The following SMPX variants were observed in gnomAD, a reference collection of about 807,000 sequenced individuals.
The protein encoded by SMPX is small muscle protein X-linked.
A neutral mutation model predicts 6.3 loss-of-function variants in SMPX; 2 were observed. The observed-to-expected ratio is 0.32, with a 90% CI of 0.13 to 0.99. The LOEUF (loss-of-function observed/expected upper bound fraction) is 0.99, where lower values mean the gene tolerates loss of function less well. Among genes scored for constraint, SMPX ranks in the 50% least tolerant of loss-of-function variants. The probability of loss-of-function intolerance (pLI) is 0.49; values close to 1 mark genes in which losing one functional copy is unlikely to be tolerated. For synonymous variants in SMPX, 32 were observed against 24.7 expected (o/e 1.30, Z -0.88); for missense variants, 60 against 66.8 (o/e 0.90, Z 0.36).
intron 4 of SMPX, among the ~76,000 whole-genome samples, chrX:21,718,446 G>A (rs1481912205): frequency 2.7e-5 from 3 of 111,946 alleles, no homozygotes; most frequent in East Asian, 2.8e-4. Flanking sequence ...AACTTCCATC[G>A]AGGGCTGAGG....
intron 4 of SMPX, among the ~76,000 whole-genome samples, chrX:21,719,274 C>T (rs1018117425): frequency 8.9e-6 from 1 of 111,777 alleles, no homozygotes; most frequent in African/African-American, 3.3e-5. Context: ...AATCCCAGCA[C>T]TTTGGGATCC....
At position 21,737,538 on chromosome X, in the gene SMPX, T is replaced by C; in HGVS notation, c.*14+11A>G. On this transcript the variant is annotated intron_variant, in intron 4 of 4. Coordinates refer to ENST00000379494, the MANE Select transcript of SMPX (RefSeq NM_014332.3). Reference sequence around the variant, plus strand: ...GACTTTTTGAGACAAAGAAGATAGTTTTTCACTCACCTTTTTTCTTCCTAC... The same window carrying C: ...GACTTTTTGAGACAAAGAAGATAGTCTTTCACTCACCTTTTTTCTTCCTAC... 1 of 1,200,334 alleles carries C rather than the reference T, an allele frequency of 8.3e-7. No individual in the cohort carries two copies. Among genetic ancestry groups the C allele is most frequent in the Middle Eastern group, 2.8e-4 (1 of 3,634 alleles).
intron 4 of SMPX, among the ~76,000 whole-genome samples, chrX:21,726,122 C>T (rs1480723854): frequency 9.0e-6 from 1 of 111,684 alleles, no homozygotes; most frequent in Non-Finnish European, 1.9e-5. Context: ...AGGAAGTTGC[C>T]CAAGGTCACT....
chrX:21,722,064 G>A (rs2092792288), intron 4 of SMPX, among the ~76,000 whole-genome samples: 1 of 110,866 alleles, frequency 9.0e-6, no homozygotes, highest in Non-Finnish European at 1.9e-5. Flanking sequence ...GGGAGGCTGA[G>A]GTGGGAGGAT....
At chrX:21,714,759 T>G (rs898908087) in intron 4 of SMPX, among the ~76,000 whole-genome samples, 1 of 112,817 alleles carries the variant, frequency 8.9e-6, no homozygotes, top group Non-Finnish European at 1.9e-5. Flanking sequence ...TCCTTTGATT[T>G]CTACTGAAGC....
chrX:21,729,006 C>T (rs769686566), intron 4 of SMPX, among the ~76,000 whole-genome samples: 1 of 112,100 alleles, frequency 8.9e-6, no homozygotes, highest in Non-Finnish European at 1.9e-5. Context: ...CTTTAGAAGA[C>T]TTGATGAGCT....
At chrX:21,711,271 GC>G (rs2092778418) in intron 4 of SMPX, among the ~76,000 whole-genome samples, 1 of 111,525 alleles carries the variant, frequency 9.0e-6, no homozygotes, top group African/African-American at 3.3e-5. Context: ...AGCTAAAATT[GC>G]CCACTCTGTA....
In SMPX at chrX:21,746,012, T is replaced by C. The variant is rs1419514107; in HGVS notation, c.46-2176A>G. Among the ~76,000 whole-genome samples the C allele has an allele frequency of 2.7e-5, 3 of 111,595 alleles. No homozygotes were observed. In the East Asian group the frequency reaches 8.4e-4, roughly 31 times the overall value. ...CCATGTTTCACGGGTGGCTTAACAA[T>C]AGTGAAAAGAGCCTAATGCTAGCAG... On this transcript the variant is annotated intron_variant, in intron 2 of 4. Transcript: ENST00000379494.
chrX:21,748,612 T>C (rs2092824033), intron 2 of SMPX, among the ~76,000 whole-genome samples: 1 of 111,891 alleles, frequency 8.9e-6, no homozygotes, highest in African/African-American at 3.3e-5. Context: ...GAGGTAATAC[T>C]GAACCCACTT....
chrX:21,718,402 G>T (rs976766041), intron 4 of SMPX, among the ~76,000 whole-genome samples: 1 of 112,193 alleles, frequency 8.9e-6, no homozygotes, highest in Non-Finnish European at 1.9e-5. Flanking sequence ...AGGCCCAGGG[G>T]CTCCTCACTG....
chrX:21,726,963 C>T (rs748967891), intron 4 of SMPX, among the ~76,000 whole-genome samples: 1 of 112,319 alleles, frequency 8.9e-6, no homozygotes, highest in East Asian at 2.8e-4. Context: ...TATTCAAAGG[C>T]CGTGCCTTCT....
intron 4 of SMPX, among the ~76,000 whole-genome samples, chrX:21,715,262 CTGTGTGTGTGTGTGTGTGTGTGTG>C (rs34947234): frequency 2.1e-5 from 2 of 94,605 alleles, no homozygotes; most frequent in African/African-American, 4.0e-5. Flanking sequence ...TCACTCTGCT[CTGTGTGTGTGTGTGTGTGTGTGTG>C]TGTGTGTGTG....
intron 2 of SMPX, among the ~76,000 whole-genome samples, chrX:21,750,489 C>T (rs1470375798): frequency 8.9e-6 from 1 of 112,021 alleles, no homozygotes; most frequent in East Asian, 2.8e-4. Flanking sequence ...GGGAACAGAC[C>T]AAACGACACG....
At chrX:21,706,432 C>A in intron 4 of SMPX, 38 bp from the exon 5 acceptor site, 1 of 330,576 alleles carries the variant, frequency 3.0e-6, no homozygotes, top group Non-Finnish European at 5.4e-6. Flanking sequence ...GAGTTTTTTG[C>A]CTCCAGTGTC....
At chrX:21,735,647 C>G (rs2092809692) in intron 4 of SMPX, among the ~76,000 whole-genome samples, 1 of 112,113 alleles carries the variant, frequency 8.9e-6, no homozygotes, top group Non-Finnish European at 1.9e-5. Flanking sequence ...TCTTCAAAAC[C>G]AAATTCTTCT....
intron 4 of SMPX, among the ~76,000 whole-genome samples, chrX:21,710,134 C>A (rs1317629808): frequency 8.9e-6 from 1 of 111,768 alleles, no homozygotes; most frequent in African/African-American, 3.3e-5. Context: ...TTATAGGCCT[C>A]TCTGACTTTG....
chrX:21,718,445 C>T (rs1423157032), intron 4 of SMPX, among the ~76,000 whole-genome samples: 2 of 111,953 alleles, frequency 1.8e-5, no homozygotes, highest in African/African-American at 6.5e-5. Context: ...AAACTTCCAT[C>T]GAGGGCTGAG....
chrX:21,721,088 G>T (rs770055680), intron 4 of SMPX, among the ~76,000 whole-genome samples: 1 of 111,737 alleles, frequency 8.9e-6, no homozygotes, highest in African/African-American at 3.3e-5. Flanking sequence ...TCCAGGGTAG[G>T]GTACATATCT....
intron 4 of SMPX, among the ~76,000 whole-genome samples, chrX:21,734,762 G>A (rs2092808795): frequency 9.0e-6 from 1 of 111,310 alleles, no homozygotes; most frequent in Admixed American, 9.5e-5. Context: ...GCCCAACGGG[G>A]TAGTCACTGG....
Sources: gnomAD v4.1 joint callset for allele counts (sites outside exome capture counted in the v4.1 genomes callset) on GRCh38, gnomAD v4.1.1 for gene constraint, MANE v1.5 for transcripts, NCBI Gene and HGNC (gene_info 2026-07-23, HGNC 2026-07-21) for gene names.